Variants in NALF1 observed in about 807,000 individuals in gnomAD.
The protein encoded by NALF1 is NALCN channel auxiliary factor 1.
A neutral mutation model predicts 48.4 loss-of-function variants in NALF1; 3 were observed. The ratio of observed to expected loss-of-function variants is 0.06; its 90% CI spans 0.03 to 0.16. The LOEUF (loss-of-function observed/expected upper bound fraction) is 0.16. Ranked by LOEUF, NALF1 falls within the 10% of genes least tolerant of loss-of-function variation. NALF1 has a pLI of 1.00. For synonymous variants in NALF1, 262 were observed against 245.7 expected, an observed-to-expected ratio of 1.07 and a Z score of -0.62; for missense variants, 526 against 571.5, an observed-to-expected ratio of 0.92 and a Z score of 0.81.
intron 1 of NALF1, among the ~76,000 whole-genome samples, chr13:107,709,000 A>G (rs557474072): frequency 1.3e-4 from 20 of 152,382 alleles, no homozygotes; most frequent in Admixed American, 1.2e-3. Flanking sequence ...ACAACATAAA[A>G]TAAGTGTCAT....
intron 1 of NALF1, among the ~76,000 whole-genome samples, chr13:107,509,316 T>C (rs1366890872): frequency 6.6e-6 from 1 of 152,314 alleles, no homozygotes; most frequent in East Asian, 1.9e-4. Context: ...TTTCTCACTA[T>C]TCTAAGGCTT....
chr13:107,481,745 A>G (rs7335971), intron 1 of NALF1, among the ~76,000 whole-genome samples: 96,881 of 151,894 alleles, frequency 0.64, 32,579 homozygotes, highest in Middle Eastern at 0.79. Context: ...TCTAATTAAC[A>G]GCATAAGCAA....
intron 1 of NALF1, among the ~76,000 whole-genome samples, chr13:107,769,909 T>C (rs1461902430): frequency 7.1e-6 from 1 of 141,370 alleles, no homozygotes. Flanking sequence ...TTTTGCTTTG[T>C]TTTGTTTTGT....
intron 1 of NALF1, among the ~76,000 whole-genome samples, chr13:107,591,698 C>T (rs1370779054): frequency 6.6e-6 from 1 of 151,912 alleles, no homozygotes; most frequent in Non-Finnish European, 1.5e-5. Flanking sequence ...CTGAAAGAAA[C>T]AAAGTATGAA....
chr13:107,228,713 G>A (rs186962649), intron 1 of NALF1, among the ~76,000 whole-genome samples: 2 of 152,144 alleles, frequency 1.3e-5, no homozygotes, highest in African/African-American at 4.8e-5. Flanking sequence ...TCCGCCTCCC[G>A]GGCTCAAGCG....
intron 1 of NALF1, among the ~76,000 whole-genome samples, chr13:107,678,001 T>C (rs1017201696): frequency 6.6e-6 from 1 of 152,332 alleles, no homozygotes; most frequent in Middle Eastern, 3.4e-3. Flanking sequence ...AAAACTTCTA[T>C]ATAAAGCCAT....
Position 107,458,584 on chromosome 13 carries a change from C to T in NALF1, c.916-247829G>A, listed in dbSNP as rs142687940. 7.2e-5 allele frequency among the ~76,000 whole-genome samples: 11 copies of T among 152,232 alleles called. No homozygotes were observed. In the East Asian group the frequency reaches 1.5e-3, roughly 21 times the overall value. On this transcript the variant is annotated intron_variant, in intron 1 of 2. Transcript: ENST00000375915. ...TGATGGGAAACGAGAGAGAAGCAGG[C>T]GAGCACAAGGTGAGGTTAAACAGGA...
chr13:107,608,465 AGCCAT>A (rs1879132255), intron 1 of NALF1, among the ~76,000 whole-genome samples: 1 of 152,206 alleles, frequency 6.6e-6, no homozygotes, highest in Non-Finnish European at 1.5e-5. Flanking sequence ...ATTGTTTTTA[AGCCAT>A]TAGGTTCTAG....
chr13:107,600,802 T>TCC (rs1878904999), intron 1 of NALF1, among the ~76,000 whole-genome samples: 1 of 152,228 alleles, frequency 6.6e-6, no homozygotes, highest in Admixed American at 6.5e-5. Flanking sequence ...TTTGAAATAT[T>TCC]CCTGACACTT....
At chr13:107,276,471 A>G (rs1881283628) in intron 1 of NALF1, among the ~76,000 whole-genome samples, 1 of 152,178 alleles carries the variant, frequency 6.6e-6, no homozygotes, top group Non-Finnish European at 1.5e-5. Context: ...ATACTCAGCT[A>G]TTTGTATTTT....
At chr13:107,586,934 A>C (rs536667231) in intron 1 of NALF1, among the ~76,000 whole-genome samples, 3 of 152,216 alleles carry the variant, frequency 2.0e-5, no homozygotes, top group African/African-American at 7.2e-5. Flanking sequence ...TTATGCTAGC[A>C]AACTTATATA....
intron 1 of NALF1, among the ~76,000 whole-genome samples, chr13:107,511,625 T>A (rs565579685): frequency 6.6e-6 from 1 of 152,264 alleles, no homozygotes; most frequent in South Asian, 2.1e-4. Flanking sequence ...ACTATTTCTA[T>A]TCACACACTA....
chr13:107,444,030 A>G (rs546838149), intron 1 of NALF1, among the ~76,000 whole-genome samples: 2 of 152,202 alleles, frequency 1.3e-5, no homozygotes, highest in South Asian at 4.1e-4. Flanking sequence ...TCTTGCATAT[A>G]CCTGAGTACT....
intron 1 of NALF1, among the ~76,000 whole-genome samples, chr13:107,712,247 G>C (rs986215647): frequency 2.0e-5 from 3 of 152,160 alleles, no homozygotes; most frequent in African/African-American, 7.2e-5. Context: ...TGAATTTGGA[G>C]AGACCTCAGT....
intron 1 of NALF1, among the ~76,000 whole-genome samples, chr13:107,769,737 AC>A (rs1877524374): frequency 6.6e-6 from 1 of 152,062 alleles, no homozygotes; most frequent in African/African-American, 2.4e-5. Flanking sequence ...TCCTAAAAAA[AC>A]GGTTCCATTA....
At chr13:107,383,209 G>T (rs767392517) in intron 1 of NALF1, among the ~76,000 whole-genome samples, 7 of 152,116 alleles carry the variant, frequency 4.6e-5, no homozygotes, top group Non-Finnish European at 1.0e-4. Flanking sequence ...ATAGCTGAAG[G>T]TATTATGTGA....
intron 1 of NALF1, among the ~76,000 whole-genome samples, chr13:107,671,385 G>A (rs968113432): frequency 1.3e-5 from 2 of 151,978 alleles, no homozygotes; most frequent in Non-Finnish European, 2.9e-5. Flanking sequence ...TCAAAGTTGG[G>A]GCTGGGACAA....
chr13:107,779,782 T>C (rs144382300), intron 1 of NALF1, among the ~76,000 whole-genome samples: 1 of 152,312 alleles, frequency 6.6e-6, no homozygotes, highest in East Asian at 1.9e-4. Flanking sequence ...CACCTTCTTC[T>C]AAAACCTCAG....
rs183847530 is a variant in NALF1 at position 107,414,351 on chromosome 13, C to G, written c.916-203596G>C. On this transcript the variant is annotated intron_variant, in intron 1 of 2. Transcript: ENST00000375915. ...CTTTCCCTAACTCTCTCTCCTCCTC[C>G]CTCCCTCCTCTTTGCACATTTTTCA... Among the ~76,000 whole-genome samples, 19 of 151,520 alleles carry G rather than the reference C, an allele frequency of 1.3e-4. No homozygotes were observed. In the East Asian group the frequency reaches 3.3e-3, roughly 26 times the overall value.
Sources: gnomAD v4.1 joint callset for allele counts (sites outside exome capture counted in the v4.1 genomes callset) on GRCh38, gnomAD v4.1.1 for gene constraint, MANE v1.5 for transcripts, NCBI Gene and HGNC (gene_info 2026-07-23, HGNC 2026-07-21) for gene names.